Variants in TRMT9B observed in about 807,000 individuals in gnomAD.
TRMT9B encodes tRNA methyltransferase 9B (putative).
In TRMT9B, 16 loss-of-function variants were observed where a neutral mutation model predicts 11.5. The ratio of observed to expected loss-of-function variants is 1.39; its 90% CI spans 0.94 to 2.11. TRMT9B has a LOEUF of 2.11. Among genes scored for constraint, TRMT9B ranks in the 30% most tolerant of loss-of-function variants. TRMT9B has a pLI of 0.00. For synonymous variants in TRMT9B, 274 were observed against 192.4 expected, an observed-to-expected ratio of 1.42 and a Z score of -3.51; for missense variants, 941 against 553.8, an observed-to-expected ratio of 1.70 and a Z score of -7.02.
intron 1 of TRMT9B, among the ~76,000 whole-genome samples, chr8:12,957,251 A>G (rs1379315633): frequency 6.6e-6 from 1 of 152,206 alleles, no homozygotes; most frequent in Non-Finnish European, 1.5e-5. Flanking sequence ...GTCTGGGCCC[A>G]TGTCTTTGTC....
intron 1 of TRMT9B, among the ~76,000 whole-genome samples, chr8:12,982,648 A>G (rs186636672): frequency 6.6e-6 from 1 of 151,764 alleles, no homozygotes; most frequent in African/African-American, 2.4e-5. Context: ...GGCAACAGAG[A>G]GAGACTCCAT....
At chr8:12,974,539 G>C (rs887075649) in intron 1 of TRMT9B, among the ~76,000 whole-genome samples, 2 of 152,148 alleles carry the variant, frequency 1.3e-5, no homozygotes, top group African/African-American at 4.8e-5. Flanking sequence ...AAGTTTCCAG[G>C]GATATGAAGT....
At position 12,975,685 on chromosome 8, in the gene TRMT9B, C is replaced by T. The variant is rs1292370922; in HGVS notation, c.-199-15149C>T. On this transcript the variant is annotated intron_variant, in intron 1 of 4. Coordinates refer to ENST00000524591, the MANE Select transcript of TRMT9B (RefSeq NM_020844.3). ...CCCGTGAGGTGGAGGTAGCAGTGAG[C>T]CGAGATGGTGCCACTGCACTCCAGT... is the stretch of plus-strand genomic sequence containing the variant. 2.6e-5 allele frequency among the ~76,000 whole-genome samples: 4 copies of T among 152,084 alleles called. No individual in the cohort carries two copies. The East Asian group carries it at 5.8e-4, about 22-fold the overall frequency.
At chr8:12,975,801 C>G (rs1384804355) in intron 1 of TRMT9B, among the ~76,000 whole-genome samples, 1 of 152,050 alleles carries the variant, frequency 6.6e-6, no homozygotes, top group South Asian at 2.1e-4. Flanking sequence ...TGGGGGCATT[C>G]ATTCCTTCAA....
intron 1 of TRMT9B, among the ~76,000 whole-genome samples, chr8:12,972,882 C>T (rs1247891106): frequency 3.3e-5 from 5 of 152,156 alleles, no homozygotes; most frequent in Admixed American, 6.5e-5. Flanking sequence ...AACTCAGGGG[C>T]GTTAAATACA....
chr8:13,013,645 A>G (rs1035893387), intron 4 of TRMT9B, among the ~76,000 whole-genome samples: 1 of 152,192 alleles, frequency 6.6e-6, no homozygotes, highest in Non-Finnish European at 1.5e-5. Context: ...ACTTGTCCCA[A>G]TACACTCTTA....
rs1814095800 is a variant in TRMT9B at position 13,022,325 on chromosome 8, C to T, written c.*281C>T. On this transcript the variant is annotated 3_prime_UTR_variant, in exon 5 of 5. Transcript: ENST00000524591. ...CAGTACACCTCAGACTTTTTTTTAA[C>T]CCCAGAGAGATAAAATACATGTATA... is the stretch of plus-strand genomic sequence containing the variant. The T allele has an allele frequency of 3.3e-6, 1 of 305,224 alleles. No individual in the cohort carries two copies. Among genetic ancestry groups the T allele is most frequent in the African/African-American group, 2.2e-5 (1 of 45,916 alleles). The allele number at this position is 305,224 out of a possible 1,614,324, so 18.9% of individuals were successfully genotyped here. A position where few individuals can be genotyped will look rare whatever the true frequency, so the allele number is the denominator to read the frequency against.
chr8:12,997,552 A>G (rs1434545366), intron 2 of TRMT9B, among the ~76,000 whole-genome samples: 1 of 152,150 alleles, frequency 6.6e-6, no homozygotes, highest in Non-Finnish European at 1.5e-5. Flanking sequence ...GGACTGATCC[A>G]TATTGTTGCA....
chr8:12,947,401 G>A (rs1373572350), intron 1 of TRMT9B, among the ~76,000 whole-genome samples: 1 of 152,162 alleles, frequency 6.6e-6, no homozygotes, highest in Non-Finnish European at 1.5e-5. Flanking sequence ...GACTTGGAAA[G>A]GTGGAGAAAA....
chr8:12,998,093 C>G (rs974188771), intron 2 of TRMT9B, among the ~76,000 whole-genome samples: 25 of 152,192 alleles, frequency 1.6e-4, no homozygotes, highest in African/African-American at 6.0e-4. Flanking sequence ...ATTGTGTTGT[C>G]TTCTATTACT....
intron 2 of TRMT9B, among the ~76,000 whole-genome samples, chr8:12,993,132 C>T (rs1256745394): frequency 3.3e-5 from 5 of 152,144 alleles, no homozygotes; most frequent in Admixed American, 2.6e-4. Flanking sequence ...GAGGTACTGT[C>T]GTTGCACGAT....
chr8:12,961,368 A>G (rs888838896), intron 1 of TRMT9B, among the ~76,000 whole-genome samples: 1 of 152,138 alleles, frequency 6.6e-6, no homozygotes, highest in African/African-American at 2.4e-5. Flanking sequence ...TTTTAAAGTT[A>G]AGAAATACCT....
chr8:12,985,497 T>C (rs1806143443), intron 1 of TRMT9B, among the ~76,000 whole-genome samples: 1 of 152,190 alleles, frequency 6.6e-6, no homozygotes, highest in African/African-American at 2.4e-5. Flanking sequence ...TTGCTGTCTA[T>C]ACTTTTGTAT....
At chr8:12,982,368 A>G (rs975886204) in intron 1 of TRMT9B, among the ~76,000 whole-genome samples, 1 of 152,204 alleles carries the variant, frequency 6.6e-6, no homozygotes, top group African/African-American at 2.4e-5. Context: ...TGAAATTCAA[A>G]TACATAATCA....
At chr8:12,969,332 A>C (rs1215395817) in intron 1 of TRMT9B, among the ~76,000 whole-genome samples, 1 of 152,138 alleles carries the variant, frequency 6.6e-6, no homozygotes, top group Non-Finnish European at 1.5e-5. Flanking sequence ...CTGTAAATCT[A>C]CCTTCCTATG....
rs756988161 is a variant in TRMT9B at position 13,021,752 on chromosome 8, A to C, written c.1073A>C (p.Asn358Thr). Residue 358 changes from asparagine to threonine, a missense_variant, in exon 5 of 5, where the codon AAT becomes ACT. By Grantham distance (65) the Asn-to-Thr change is moderately conservative. Coordinates refer to ENST00000524591, the MANE Select transcript of TRMT9B (RefSeq NM_020844.3). ...CTGGATAGCACTAATACTGGTGTGA[A>C]TTGTGTGGATGCAGGCAACATAGAA... ...NFLDSTNTGV[N>T]CVDAGNIEDD... The C allele has an allele frequency of 6.2e-7, 1 of 1,614,000 alleles. No individual in the cohort carries two copies. Among genetic ancestry groups the C allele is most frequent in the Non-Finnish European group, 8.5e-7 (1 of 1,179,900 alleles).
At position 13,025,680 on chromosome 8, in the gene TRMT9B, C is replaced by T. The variant is rs906876102; in HGVS notation, c.*3636C>T. The T allele has an allele frequency of 6.0e-6, 1 of 167,048 alleles. No homozygotes were observed. Among genetic ancestry groups the T allele is most frequent in the East Asian group, 1.9e-4 (1 of 5,198 alleles). 10.3% of individuals were successfully genotyped at this position (167,048 alleles called of 1,614,324 possible). ...ATTCAAGCACCTATTTAAATTTTTT[C>T]CAATTGCCAGTATAGTGATGATATG... is the stretch of plus-strand genomic sequence containing the variant. On this transcript the variant is annotated 3_prime_UTR_variant, in exon 5 of 5. Transcript: ENST00000524591.
chr8:13,021,631 G>A lies in TRMT9B; in HGVS notation c.952G>A (p.Gly318Arg), dbSNP rs374427668. The change falls in exon 5 of 5, where the codon GGA (glycine) becomes AGA (arginine). Residue 318 changes from glycine to arginine, a missense_variant. Transcript: ENST00000524591. Reference protein sequence around the residue: ...DEEVFVESSSGKHLEWLRAPG... With the variant: ...DEEVFVESSSRKHLEWLRAPG... ...GGAAGTGTTTGTGGAATCTTCTTCT[G>A]GAAAACACTTGGAGTGGCTGAGAGC... 6.2e-7 allele frequency: 1 copy of A among 1,613,682 alleles called. No homozygotes were observed. The highest frequency in any genetic ancestry group is 8.5e-7 in the Non-Finnish European group (1 of 1,179,822).
chr8:13,003,467 G>T (rs1809836260), intron 2 of TRMT9B, among the ~76,000 whole-genome samples: 1 of 152,110 alleles, frequency 6.6e-6, no homozygotes, highest in African/African-American at 2.4e-5. Context: ...CCTTTTCCAA[G>T]AATGACTAGA....
Sources: gnomAD v4.1 joint callset for allele counts (sites outside exome capture counted in the v4.1 genomes callset) on GRCh38, gnomAD v4.1.1 for gene constraint, MANE v1.5 for transcripts, NCBI Gene and HGNC (gene_info 2026-07-23, HGNC 2026-07-21) for gene names.